PCOLCE2: variants seen among roughly 807,000 people sequenced by gnomAD.
PCOLCE2 encodes procollagen C-endopeptidase enhancer 2.
Under a neutral mutation model 47.0 loss-of-function variants are expected in PCOLCE2, and 42 were observed. The observed-to-expected ratio is 0.89, with a 90% CI of 0.70 to 1.16. The LOEUF (loss-of-function observed/expected upper bound fraction) is 1.16. Among genes scored for constraint, PCOLCE2 ranks in the 50% most tolerant of loss-of-function variants. The probability of loss-of-function intolerance (pLI) is 0.00; values close to 1 mark genes in which losing one functional copy is unlikely to be tolerated. For synonymous variants in PCOLCE2, 169 were observed against 191.7 expected (o/e 0.88, Z 0.98); for missense variants, 500 against 526.1 (o/e 0.95, Z 0.49).
chr3:142,865,950 G>A (rs145668306), intron 2 of PCOLCE2, among the ~76,000 whole-genome samples: 9 of 152,254 alleles, frequency 5.9e-5, no homozygotes, highest in South Asian at 2.1e-4. Context: ...AAAATAGTCC[G>A]GATAGGCAAA....
rs545245056 is a variant in PCOLCE2 at position 142,850,826 on chromosome 3, G to C, written c.193-2354C>G. On this transcript the variant is annotated intron_variant, in intron 2 of 8. Transcript: ENST00000295992. ...ATATGGGGGTAAGGAAGGGGATATG[G>C]GGTCTAAGCAGAGTTTTTGCAATGG... Among the ~76,000 whole-genome samples, 9 of 152,266 alleles carry C rather than the reference G, an allele frequency of 5.9e-5. No individual in the cohort carries two copies. The East Asian group carries it at 1.7e-3, about 29-fold the overall frequency.
chr3:142,879,814 C>CA (rs1167280281), intron 2 of PCOLCE2, among the ~76,000 whole-genome samples: 4 of 151,654 alleles, frequency 2.6e-5, no homozygotes, highest in Non-Finnish European at 5.9e-5. Context: ...CTAAAAAATA[C>CA]AAAAAATTAG....
At chr3:142,886,376 A>G (rs1458903485) in intron 2 of PCOLCE2, among the ~76,000 whole-genome samples, 1 of 152,256 alleles carries the variant, frequency 6.6e-6, no homozygotes, top group Non-Finnish European at 1.5e-5. Context: ...AATTACATTT[A>G]AAACACAATC....
intron 2 of PCOLCE2, among the ~76,000 whole-genome samples, chr3:142,855,384 T>C (rs1299563120): frequency 6.6e-6 from 1 of 152,104 alleles, no homozygotes. Flanking sequence ...AGCACATACT[T>C]TTATATAAAA....
intron 4 of PCOLCE2, among the ~76,000 whole-genome samples, chr3:142,841,134 AAAG>A (rs1318847387): frequency 2.6e-5 from 4 of 152,150 alleles, no homozygotes; most frequent in African/African-American, 7.2e-5. Flanking sequence ...TAAAAAAAGT[AAAG>A]AAGAAGATAA....
Position 142,843,010 on chromosome 3 carries a change from C to G in PCOLCE2, c.487G>C (p.Gly163Arg), listed in dbSNP as rs766822878. 1 of 1,613,738 alleles carries G rather than the reference C, an allele frequency of 6.2e-7. No individual in the cohort carries two copies. Among genetic ancestry groups the G allele is most frequent in the Non-Finnish European group, 8.5e-7 (1 of 1,179,730 alleles). ...GGCCAGTTGGGGGTTTTAAAAGAGCCGGAAGGTCTGTCAAGGAGTCCTCCA... is the reference window on the plus strand; with the variant it reads ...GGCCAGTTGGGGGTTTTAAAAGAGCGGGAAGGTCTGTCAAGGAGTCCTCCA... ...YCGGLLDRPSGSFKTPNWPDR... is the reference protein window; with the variant it reads ...YCGGLLDRPSRSFKTPNWPDR... The change falls in exon 4 of 9, where the codon GGC (glycine) becomes CGC (arginine). Residue 163 changes from glycine to arginine, a missense_variant. By Grantham distance (125) the Gly-to-Arg change is moderately radical (BLOSUM62 -2). Transcript: ENST00000295992.
intron 2 of PCOLCE2, among the ~76,000 whole-genome samples, chr3:142,877,090 G>T (rs1933511276): frequency 6.6e-6 from 1 of 152,062 alleles, no homozygotes; most frequent in African/African-American, 2.4e-5. Context: ...TAATTAGTGG[G>T]GCCTATTCTG....
chr3:142,869,338 A>G (rs1407355480), intron 2 of PCOLCE2, among the ~76,000 whole-genome samples: 1 of 151,760 alleles, frequency 6.6e-6, no homozygotes, highest in East Asian at 1.9e-4. Flanking sequence ...GACAAAACAG[A>G]CTCTTTGTAG....
intron 2 of PCOLCE2, among the ~76,000 whole-genome samples, chr3:142,849,959 C>T (rs1288786451): frequency 6.6e-6 from 1 of 152,192 alleles, no homozygotes; most frequent in Non-Finnish European, 1.5e-5. Context: ...ATCTACACTT[C>T]ATCGTAGAAA....
intron 6 of PCOLCE2, chr3:142,827,421 G>A: frequency 1.3e-6 from 2 of 1,565,140 alleles, no homozygotes; most frequent in Admixed American, 1.7e-5. Flanking sequence ...CCAGAGGGCA[G>A]CTTCACACGG....
intron 4 of PCOLCE2, among the ~76,000 whole-genome samples, chr3:142,840,754 A>G (rs1937255219): frequency 6.6e-6 from 1 of 152,188 alleles, no homozygotes; most frequent in Non-Finnish European, 1.5e-5. Flanking sequence ...GGTTATTAAA[A>G]AAATTGGCGA....
At chr3:142,865,017 C>A (rs1027649403) in intron 2 of PCOLCE2, among the ~76,000 whole-genome samples, 1 of 152,174 alleles carries the variant, frequency 6.6e-6, no homozygotes. Context: ...TCTAAAAGTA[C>A]AACTGCTTGG....
intron 2 of PCOLCE2, among the ~76,000 whole-genome samples, chr3:142,861,297 C>A (rs1345273226): frequency 2.0e-5 from 3 of 152,134 alleles, no homozygotes; most frequent in East Asian, 3.9e-4. Context: ...GTTTATCTTT[C>A]TTCATTCATT....
intron 2 of PCOLCE2, among the ~76,000 whole-genome samples, chr3:142,886,243 T>G (rs1223578768): frequency 6.6e-6 from 1 of 152,172 alleles, no homozygotes; most frequent in African/African-American, 2.4e-5. Flanking sequence ...CCAGTCAAAG[T>G]GTAAAGTCAC....
intron 3 of PCOLCE2, among the ~76,000 whole-genome samples, chr3:142,844,813 T>C (rs1937306362): frequency 6.6e-6 from 1 of 152,260 alleles, no homozygotes; most frequent in East Asian, 1.9e-4. Flanking sequence ...CCAGACATTT[T>C]TGTGAATATT....
intron 2 of PCOLCE2, among the ~76,000 whole-genome samples, chr3:142,884,189 C>T (rs1933679195): frequency 6.6e-6 from 1 of 152,160 alleles, no homozygotes. Context: ...TGCAGAAGAA[C>T]CACTGTAATA....
intron 2 of PCOLCE2, among the ~76,000 whole-genome samples, chr3:142,881,834 T>C (rs367923424): frequency 6.6e-6 from 1 of 152,214 alleles, no homozygotes; most frequent in African/African-American, 2.4e-5. Flanking sequence ...ATGGTAATAC[T>C]TGAGTTACCT....
At chr3:142,843,168 G>C in intron 3 of PCOLCE2, 120 bp from the exon 4 acceptor site, 1 of 942,480 alleles carries the variant, frequency 1.1e-6, no homozygotes, top group Non-Finnish European at 1.7e-6. Flanking sequence ...GGCAACAGCA[G>C]AAGCGCTTAC....
chr3:142,846,301 G>T (rs575602001), intron 3 of PCOLCE2, among the ~76,000 whole-genome samples: 2 of 152,164 alleles, frequency 1.3e-5, no homozygotes, highest in Non-Finnish European at 2.9e-5. Context: ...AGGTTCAAGC[G>T]ATTCTCCTGC....
Sources: allele counts gnomAD v4.1 joint callset (sites outside exome capture counted in the v4.1 genomes callset), GRCh38; gene constraint gnomAD v4.1.1; transcripts MANE v1.5; gene names NCBI Gene and HGNC (gene_info 2026-07-23, HGNC 2026-07-21).